Variants in RCAN2 observed in about 807,000 individuals in gnomAD.
RCAN2 encodes calcipressin-2.
RCAN2 carries 9 observed loss-of-function variants against 23.6 expected under a neutral mutation model. The observed-to-expected ratio is 0.38, with a 90% confidence interval of 0.23 to 0.67. The LOEUF (loss-of-function observed/expected upper bound fraction) is 0.67, where lower values mean the gene tolerates loss of function less well. RCAN2 is among the 30% of genes least tolerant of loss of function. RCAN2 has a pLI of 0.51. For synonymous variants in RCAN2, 109 were observed against 115.7 expected (o/e 0.94, Z 0.37); for missense variants, 273 against 302.3 (o/e 0.90, Z 0.72).
chr6:46,234,151 G>T (rs1766007334), intron 4 of RCAN2, among the ~76,000 whole-genome samples: 1 of 152,152 alleles, frequency 6.6e-6, no homozygotes, highest in African/African-American at 2.4e-5. Context: ...TGTGTGCAGG[G>T]TGCAAAGCAA....
intron 2 of RCAN2, among the ~76,000 whole-genome samples, chr6:46,370,690 T>C (rs1765300319): frequency 6.6e-6 from 1 of 152,250 alleles, no homozygotes; most frequent in South Asian, 2.1e-4. Context: ...TGGTTTGCTG[T>C]CTTAACCCTG....
At chr6:46,299,825 AG>A (rs1762846794) in intron 2 of RCAN2, among the ~76,000 whole-genome samples, 1 of 152,046 alleles carries the variant, frequency 6.6e-6, no homozygotes, top group African/African-American at 2.4e-5. Flanking sequence ...TATTGAACAC[AG>A]TAAGTGCTCA....
intron 2 of RCAN2, among the ~76,000 whole-genome samples, chr6:46,251,571 T>C (rs1460106692): frequency 6.6e-6 from 1 of 152,158 alleles, no homozygotes; most frequent in Admixed American, 6.5e-5. Flanking sequence ...AGTCTAGCTT[T>C]TGAAAGCGAG....
At chr6:46,380,518 C>T (rs572814936) in intron 2 of RCAN2, among the ~76,000 whole-genome samples, 1 of 152,272 alleles carries the variant, frequency 6.6e-6, no homozygotes, top group African/African-American at 2.4e-5. Flanking sequence ...GTGAGTAAAG[C>T]AAGTTCTAGG....
At chr6:46,365,425 G>A (rs147511587) in intron 2 of RCAN2, among the ~76,000 whole-genome samples, 4,759 of 151,030 alleles carry the variant, frequency 0.032, 136 homozygotes, top group South Asian at 0.12. Flanking sequence ...GCGGTGAGCC[G>A]AGATCATGCC....
At chr6:46,282,682 T>C (rs1428189604) in intron 2 of RCAN2, among the ~76,000 whole-genome samples, 1 of 152,228 alleles carries the variant, frequency 6.6e-6, no homozygotes. Flanking sequence ...CGTTCATCTT[T>C]ATGATTCAAT....
Position 46,221,607 on chromosome 6 carries a change from C to A in RCAN2, c.*1534G>T, listed in dbSNP as rs758920868. 22 of 252,670 alleles carry A rather than the reference C, an allele frequency of 8.7e-5. No individual in the cohort carries two copies. Among genetic ancestry groups the A allele is most frequent in the Non-Finnish European group, 1.6e-4 (21 of 134,042 alleles). 15.7% of individuals were successfully genotyped at this position (252,670 alleles called of 1,614,324 possible). ...ATTGCTATATTCACAGTAAAACGGA[C>A]TTTAATTTCTGAGTGATCAGTCTAT... is the stretch of plus-strand genomic sequence containing the variant. On this transcript the variant is annotated 3_prime_UTR_variant, in exon 5 of 5. Coordinates refer to ENST00000371374, the MANE Select transcript of RCAN2 (RefSeq NM_001251974.2).
At chr6:46,403,868 G>A (rs934083316) in intron 2 of RCAN2, among the ~76,000 whole-genome samples, 1 of 152,150 alleles carries the variant, frequency 6.6e-6, no homozygotes, top group Non-Finnish European at 1.5e-5. Flanking sequence ...GTTCTGGGCC[G>A]ATGAGGTGAG....
intron 2 of RCAN2, among the ~76,000 whole-genome samples, chr6:46,445,599 A>G (rs1767682880): frequency 6.6e-6 from 1 of 152,236 alleles, no homozygotes; most frequent in Non-Finnish European, 1.5e-5. Flanking sequence ...CCTCAAAATA[A>G]AGATTTGTAA....
At chr6:46,245,769 T>C (rs969835330) in intron 4 of RCAN2, among the ~76,000 whole-genome samples, 2 of 152,122 alleles carry the variant, frequency 1.3e-5, no homozygotes, top group African/African-American at 4.8e-5. Flanking sequence ...TTAGAATCTC[T>C]TGGGGTGGGG....
intron 2 of RCAN2, among the ~76,000 whole-genome samples, chr6:46,349,645 C>A (rs186715163): frequency 3.4e-4 from 51 of 152,044 alleles, no homozygotes; most frequent in Non-Finnish European, 4.0e-4. Flanking sequence ...TTCCTTTAAT[C>A]TTCTCTTTTC....
chr6:46,456,718 C>A, intron 2 of RCAN2, 34 bp downstream of exon 2: 1 of 1,417,838 alleles, frequency 7.1e-7, no homozygotes, highest in Non-Finnish European at 9.7e-7. Context: ...TGCCATATCT[C>A]CCCATGTTTT....
At chr6:46,357,155 A>G (rs1764856789) in intron 2 of RCAN2, among the ~76,000 whole-genome samples, 1 of 152,140 alleles carries the variant, frequency 6.6e-6, no homozygotes, top group Non-Finnish European at 1.5e-5. Flanking sequence ...CAGGCTGAAG[A>G]TGGGGTAGAA....
At chr6:46,351,363 T>A (rs994662772) in intron 2 of RCAN2, among the ~76,000 whole-genome samples, 2 of 152,356 alleles carry the variant, frequency 1.3e-5, no homozygotes, top group Non-Finnish European at 2.9e-5. Context: ...TGATCTAGCA[T>A]CCTAGTCAAA....
At chr6:46,229,104 C>G (rs1454596907) in intron 4 of RCAN2, among the ~76,000 whole-genome samples, 2 of 152,192 alleles carry the variant, frequency 1.3e-5, no homozygotes, top group Non-Finnish European at 2.9e-5. Flanking sequence ...GGCGCCCACT[C>G]TCTTCTGGCT....
chr6:46,273,531 T>A (rs878981878), intron 2 of RCAN2, among the ~76,000 whole-genome samples: 1 of 152,318 alleles, frequency 6.6e-6, no homozygotes, highest in East Asian at 1.9e-4. Context: ...GGAGCTTAAG[T>A]GATTTTCCTT....
At chr6:46,317,403 G>A (rs891014652) in intron 2 of RCAN2, among the ~76,000 whole-genome samples, 2 of 152,098 alleles carry the variant, frequency 1.3e-5, no homozygotes, top group East Asian at 3.8e-4. Flanking sequence ...TTACATATGA[G>A]TTCAATGTCT....
intron 2 of RCAN2, among the ~76,000 whole-genome samples, chr6:46,315,470 C>T (rs1222113225): frequency 6.6e-6 from 1 of 152,058 alleles, no homozygotes; most frequent in Non-Finnish European, 1.5e-5. Context: ...ATGTAGGCTC[C>T]AGAAGGAAGA....
At chr6:46,421,545 G>C (rs1766890431) in intron 2 of RCAN2, among the ~76,000 whole-genome samples, 1 of 152,180 alleles carries the variant, frequency 6.6e-6, no homozygotes, top group Non-Finnish European at 1.5e-5. Flanking sequence ...GCAGAAGGAA[G>C]TTGGGAGATG....
Sources: allele counts gnomAD v4.1 joint callset (sites outside exome capture counted in the v4.1 genomes callset), GRCh38; gene constraint gnomAD v4.1.1; transcripts MANE v1.5; gene names NCBI Gene and HGNC (gene_info 2026-07-23, HGNC 2026-07-21).